RASGEF1B: variants seen among roughly 807,000 people sequenced by gnomAD.
RASGEF1B encodes the protein ras-GEF domain-containing family member 1B.
RASGEF1B carries 30 observed loss-of-function variants against 65.7 expected under a neutral mutation model. That is an observed-to-expected ratio of 0.46 (90% confidence interval 0.34 to 0.62). The LOEUF (loss-of-function observed/expected upper bound fraction) is 0.62. Among genes scored for constraint, RASGEF1B ranks in the 20% least tolerant of loss-of-function variants. RASGEF1B has a pLI of 0.01. For synonymous variants in RASGEF1B, 175 were observed against 194.8 expected (o/e 0.90, Z 0.85); for missense variants, 495 against 580.1 (o/e 0.85, Z 1.51).
intron 10 of RASGEF1B, among the ~76,000 whole-genome samples, chr4:81,435,556 C>A (rs1721595626): frequency 7.1e-6 from 1 of 140,252 alleles, no homozygotes; most frequent in Admixed American, 7.1e-5. Context: ...GCAAGCTCCA[C>A]CTCCCCAGTT....
Position 81,433,876 on chromosome 4 carries a change from G to C in RASGEF1B, c.1288C>G (p.Gln430Glu). ...CPFERDRKILQYLLTVPVFSE... is the reference protein window; with the variant it reads ...CPFERDRKILEYLLTVPVFSE... Reference sequence around the variant, plus strand: ...AAGACTGGTACTGTGAGCAGATACTGCAAGATCTTCCGGTCCCTCTCAAAT... The same window carrying C: ...AAGACTGGTACTGTGAGCAGATACTCCAAGATCTTCCGGTCCCTCTCAAAT... Residue 430 changes from glutamine to glutamate, a missense_variant, in exon 12 of 14, where the codon CAG becomes GAG. By Grantham distance (29) the Gln-to-Glu change is conservative (BLOSUM62 2). Transcript: ENST00000264400. 1 of 1,613,980 alleles carries C rather than the reference G, an allele frequency of 6.2e-7. No homozygotes were observed. Among genetic ancestry groups the C allele is most frequent in the Non-Finnish European group, 8.5e-7 (1 of 1,179,920 alleles).
chr4:81,463,057 T>G (rs1722701361), intron 1 of RASGEF1B, among the ~76,000 whole-genome samples: 1 of 152,238 alleles, frequency 6.6e-6, no homozygotes, highest in Non-Finnish European at 1.5e-5. Context: ...TATGATATGC[T>G]GCAAATGGTC....
chr4:81,471,783 C>G lies in RASGEF1B; in HGVS notation c.-20G>C, dbSNP rs979470164. ...GGAACAACCTACCTGCAGGTGAACT[C>G]CGAGTCCTCGGCCTCCCGGCTGCGT... On this transcript the variant is annotated 5_prime_UTR_variant, in exon 1 of 14. Transcript: ENST00000264400. 2.0e-5 allele frequency: 3 copies of G among 152,754 alleles called. No homozygotes were observed. Among genetic ancestry groups the G allele is most frequent in the Non-Finnish European group, 4.4e-5 (3 of 68,118 alleles). 9.5% of individuals were successfully genotyped at this position (152,754 alleles called of 1,614,324 possible).
chr4:81,427,750 G>A lies in RASGEF1B; in HGVS notation c.*18C>T. The A allele has an allele frequency of 2.5e-6, 4 of 1,613,678 alleles. No homozygotes were observed. Among genetic ancestry groups the A allele is most frequent in the African/African-American group, 1.3e-5 (1 of 75,030 alleles). The stretch of plus-strand genomic sequence containing the variant: ...CTGCAGGAAGCAGCAGCAGCAGCAG[G>A]CAGGCAGCTCCCATGTGTTAAACTC... On this transcript the variant is annotated 3_prime_UTR_variant, in exon 14 of 14. Transcript: ENST00000264400.
chr4:81,443,683 T>C (rs914931175), intron 8 of RASGEF1B, among the ~76,000 whole-genome samples: 9 of 152,234 alleles, frequency 5.9e-5, no homozygotes, highest in African/African-American at 1.7e-4. Context: ...CATTTGTAAA[T>C]GGGCATTTGG....
intron 10 of RASGEF1B, among the ~76,000 whole-genome samples, chr4:81,435,463 A>ATTTTTTT (rs1200565994): frequency 2.6e-5 from 2 of 78,364 alleles, no homozygotes; most frequent in African/African-American, 5.7e-5. Context: ...GCAGGCACCG[A>ATTTTTTT]TTTTTTTTTT....
At chr4:81,459,214 T>C (rs6813656) in intron 2 of RASGEF1B, 118 bp downstream of exon 2, 28,692 of 780,206 alleles carry the variant, frequency 0.037, 763 homozygotes, top group African/African-American at 0.095. Context: ...TGCAATTTCT[T>C]GTTAGAAAAA....
intron 2 of RASGEF1B, among the ~76,000 whole-genome samples, chr4:81,457,919 C>T (rs1035085398): frequency 6.6e-6 from 1 of 152,194 alleles, no homozygotes; most frequent in African/African-American, 2.4e-5. Context: ...AGACACATAA[C>T]TCACTTTAGT....
chr4:81,461,059 G>A (rs776590869), intron 1 of RASGEF1B, among the ~76,000 whole-genome samples: 2 of 152,210 alleles, frequency 1.3e-5, no homozygotes, highest in Non-Finnish European at 2.9e-5. Flanking sequence ...GACCTCACAT[G>A]TAGGAACTGC....
At chr4:81,438,726 C>T (rs772873253) in intron 10 of RASGEF1B, among the ~76,000 whole-genome samples, 1 of 151,994 alleles carries the variant, frequency 6.6e-6, no homozygotes, top group Non-Finnish European at 1.5e-5. Flanking sequence ...CCCCTTGCCC[C>T]CCCAGCCCCC....
chr4:81,459,185 A>T, intron 2 of RASGEF1B, 147 bp downstream of exon 2: 1 of 653,246 alleles, frequency 1.5e-6, no homozygotes. Context: ...TTTGATTTCA[A>T]TGCACTTGAT....
intron 10 of RASGEF1B, among the ~76,000 whole-genome samples, chr4:81,439,678 C>A (rs1390842127): frequency 6.6e-6 from 1 of 152,182 alleles, no homozygotes; most frequent in Non-Finnish European, 1.5e-5. Context: ...AATCCTCCCA[C>A]ATGTGCTCAC....
At chr4:81,449,676 A>T (rs933015993) in intron 4 of RASGEF1B, among the ~76,000 whole-genome samples, 1 of 152,200 alleles carries the variant, frequency 6.6e-6, no homozygotes, top group Non-Finnish European at 1.5e-5. Flanking sequence ...TTAAAAAAAT[A>T]CCACAATATC....
At chr4:81,459,725 T>G (rs1722577627) in intron 1 of RASGEF1B, among the ~76,000 whole-genome samples, 2 of 152,178 alleles carry the variant, frequency 1.3e-5, no homozygotes, top group South Asian at 4.1e-4. Flanking sequence ...CCACTCTCAT[T>G]CAATCAAATA....
intron 1 of RASGEF1B, among the ~76,000 whole-genome samples, chr4:81,466,812 A>AAGAC (rs1209780440): frequency 6.7e-6 from 1 of 150,200 alleles, no homozygotes; most frequent in East Asian, 1.9e-4. Flanking sequence ...GAAAGAAAGA[A>AAGAC]AGAAAGAAAG....
intron 4 of RASGEF1B, among the ~76,000 whole-genome samples, chr4:81,449,961 C>A (rs932942018): frequency 6.6e-6 from 1 of 151,998 alleles, no homozygotes; most frequent in Non-Finnish European, 1.5e-5. Context: ...TTAGATGACC[C>A]CTATTTTTCT....
chr4:81,445,968 A>T, intron 6 of RASGEF1B, 130 bp from the exon 7 acceptor site: 1 of 657,570 alleles, frequency 1.5e-6, no homozygotes, highest in Non-Finnish European at 2.6e-6. Flanking sequence ...ACAGAAAGAG[A>T]GAGAGAAAGA....
At chr4:81,435,128 T>C (rs1721563312) in intron 10 of RASGEF1B, among the ~76,000 whole-genome samples, 1 of 152,064 alleles carries the variant, frequency 6.6e-6, no homozygotes, top group South Asian at 2.1e-4. Context: ...TACCTATCAT[T>C]GGGCCGGGCA....
intron 13 of RASGEF1B, among the ~76,000 whole-genome samples, chr4:81,429,928 C>T (rs961293490): frequency 5.9e-5 from 9 of 152,194 alleles, no homozygotes; most frequent in African/African-American, 1.2e-4. Flanking sequence ...CAGGCGCAGT[C>T]GGAGGAGAGC....
Sources: allele counts gnomAD v4.1 joint callset (sites outside exome capture counted in the v4.1 genomes callset), GRCh38; gene constraint gnomAD v4.1.1; transcripts MANE v1.5; gene names NCBI Gene and HGNC (gene_info 2026-07-23, HGNC 2026-07-21).